LIPC: variants seen among roughly 807,000 people sequenced by gnomAD.
LIPC encodes the protein lipase C, hepatic type, also known as hepatic triacylglycerol lipase.
In LIPC, 44 loss-of-function variants were observed where a neutral mutation model predicts 50.7. That is an observed-to-expected ratio of 0.87 (90% CI 0.68 to 1.11). The LOEUF (loss-of-function observed/expected upper bound fraction) is 1.11. Ranked by LOEUF, LIPC falls within the 50% of genes most tolerant of loss-of-function variation. The probability of loss-of-function intolerance (pLI) is 0.00; values close to 1 mark genes in which losing one functional copy is unlikely to be tolerated. For synonymous variants in LIPC, 271 were observed against 256.4 expected (o/e 1.06, Z -0.54); for missense variants, 697 against 648.2 (o/e 1.08, Z -0.82).
At chr15:58,566,209 T>C (rs1894360869) in intron 8 of LIPC, 5 of 985,296 alleles carry the variant, frequency 5.1e-6, no homozygotes, top group Non-Finnish European at 6.0e-6. Flanking sequence ...ACCCGGGAAG[T>C]GTAAGAAGAA....
intron 6 of LIPC, among the ~76,000 whole-genome samples, chr15:58,558,066 CT>C (rs1894019257): frequency 3.3e-5 from 1 of 30,196 alleles, no homozygotes; most frequent in Admixed American, 6.3e-4. Context: ...GCCTATAGCT[CT>C]TTTCTTTTTT....
At chr15:58,471,189 T>C (rs1032548335) in intron 1 of LIPC, among the ~76,000 whole-genome samples, 5 of 140,818 alleles carry the variant, frequency 3.6e-5, no homozygotes, top group Admixed American at 7.4e-5. Context: ...CAGGCTGGAA[T>C]ACAGTGGTGT....
At chr15:58,502,289 AT>A (rs1246419914) in intron 1 of LIPC, among the ~76,000 whole-genome samples, 2 of 151,854 alleles carry the variant, frequency 1.3e-5, no homozygotes, top group Non-Finnish European at 2.9e-5. Context: ...CTCTGGAAAC[AT>A]TTCCATTCCT....
intron 1 of LIPC, among the ~76,000 whole-genome samples, chr15:58,476,170 G>A (rs936549045): frequency 6.6e-6 from 1 of 152,218 alleles, no homozygotes; most frequent in Non-Finnish European, 1.5e-5. Flanking sequence ...CTTCAGCTCG[G>A]AAGTAGTGGA....
chr15:58,521,034 CT>C lies in LIPC; in HGVS notation c.89-17298del, dbSNP rs143032912. Among the ~76,000 whole-genome samples the C allele has an allele frequency of 1.8e-3, 280 of 152,238 alleles. 1 individual carries two copies. Among genetic ancestry groups the C allele is most frequent in the African/African-American group, 6.5e-3 (272 of 41,544 alleles). ...AGAATATCCGGAACTTGCTTGTTGT[CT>C]GTTGGTGCCTTTCTTTCAGCTCATT... On this transcript the variant is annotated intron_variant, in intron 1 of 8. Transcript: ENST00000299022.
Position 58,538,437 on chromosome 15 carries a change from C to A in LIPC, c.193C>A (p.Arg65=). 2 of 1,614,184 alleles carry A rather than the reference C, an allele frequency of 1.2e-6. No individual in the cohort carries two copies. The highest frequency in any genetic ancestry group is 1.7e-6 in the Non-Finnish European group (2 of 1,180,036). Residue 65 remains arginine (R), a synonymous_variant, in exon 2 of 9, where the codon CGA becomes AGA. Transcript: ENST00000299022. ...FGETNQGCQI[R]INHPDTLQEC... The stretch of plus-strand genomic sequence containing the variant: ...AGAAACCAATCAGGGCTGTCAGATT[C>A]GAATCAATCATCCGGACACGTTACA...
rs914124893 is a variant in LIPC at position 58,535,658 on chromosome 15, G to A, written c.89-2675G>A. Among the ~76,000 whole-genome samples, 6 of 152,228 alleles carry A rather than the reference G, an allele frequency of 3.9e-5. No homozygotes were observed. In the East Asian group the frequency reaches 1.2e-3, roughly 29 times the overall value. On this transcript the variant is annotated intron_variant, in intron 1 of 8. Coordinates refer to ENST00000299022, the MANE Select transcript of LIPC (RefSeq NM_000236.3). ...ATTTCACTGATCAGAAATGTAAGATGCTAGATGCTCCAATTGGTACTTATT... is the reference window on the plus strand; with the variant it reads ...ATTTCACTGATCAGAAATGTAAGATACTAGATGCTCCAATTGGTACTTATT...
chr15:58,543,955 A>G (rs145050460), intron 4 of LIPC, among the ~76,000 whole-genome samples: 1 of 152,332 alleles, frequency 6.6e-6, no homozygotes, highest in Non-Finnish European at 1.5e-5. Flanking sequence ...ACTATCTGCT[A>G]TTACCATTCC....
intron 1 of LIPC, among the ~76,000 whole-genome samples, chr15:58,533,380 T>C (rs1893013287): frequency 6.6e-6 from 1 of 152,218 alleles, no homozygotes; most frequent in Non-Finnish European, 1.5e-5. Flanking sequence ...TTAAAAATGC[T>C]GAAGATCAAT....
chr15:58,559,177 A>G (rs936098369), intron 6 of LIPC, among the ~76,000 whole-genome samples: 5 of 152,232 alleles, frequency 3.3e-5, no homozygotes, highest in Non-Finnish European at 7.3e-5. Flanking sequence ...AGGGATGGAT[A>G]GTCAAGTGGC....
intron 1 of LIPC, among the ~76,000 whole-genome samples, chr15:58,466,293 G>C (rs893937909): frequency 4.6e-5 from 7 of 152,220 alleles, no homozygotes; most frequent in African/African-American, 1.7e-4. Context: ...AGAGTGATTA[G>C]AAGTAAAAAG....
At chr15:58,509,453 G>C (rs1892265427) in intron 1 of LIPC, among the ~76,000 whole-genome samples, 1 of 152,150 alleles carries the variant, frequency 6.6e-6, no homozygotes, top group African/African-American at 2.4e-5. Context: ...TGAGTCTCAG[G>C]TTCCCCATTT....
rs571454491 is a variant in LIPC, at chr15:58,465,327, A to T, written c.88+33207A>T. 1.3e-5 allele frequency among the ~76,000 whole-genome samples: 2 copies of T among 152,334 alleles called. 1 individual carries two copies. Among genetic ancestry groups the T allele is most frequent in the African/African-American group, 4.8e-5 (2 of 41,566 alleles). ...ACTTATAATTGGTACCTCTTATGAA[A>T]GCCAACAGTTTTTACATCTGGCTTT... On this transcript the variant is annotated intron_variant, in intron 1 of 8. Coordinates refer to ENST00000299022, the MANE Select transcript of LIPC (RefSeq NM_000236.3).
At chr15:58,450,432 G>A (rs1225193031) in intron 1 of LIPC, among the ~76,000 whole-genome samples, 3 of 152,224 alleles carry the variant, frequency 2.0e-5, no homozygotes, top group Non-Finnish European at 4.4e-5. Flanking sequence ...AGAGTGGGAA[G>A]CATTAGAGAC....
chr15:58,550,074 C>T (rs776557749), intron 6 of LIPC, among the ~76,000 whole-genome samples: 1 of 152,180 alleles, frequency 6.6e-6, no homozygotes, highest in African/African-American at 2.4e-5. Flanking sequence ...GAAACCAAGG[C>T]CTAGGCAGGG....
intron 5 of LIPC, 103 bp downstream of exon 5, chr15:58,546,078 C>A (rs1893519634): frequency 3.0e-6 from 3 of 1,011,616 alleles, no homozygotes; most frequent in Non-Finnish European, 4.6e-6. Context: ...AAGAGTTCAG[C>A]AAGGATAGGG....
chr15:58,477,408 G>A (rs1239900641), intron 1 of LIPC, among the ~76,000 whole-genome samples: 1 of 152,216 alleles, frequency 6.6e-6, no homozygotes, highest in East Asian at 1.9e-4. Flanking sequence ...CCCAACAGAT[G>A]AGGCTGTTAG....
intron 1 of LIPC, among the ~76,000 whole-genome samples, chr15:58,506,822 A>T (rs1216687312): frequency 2.6e-5 from 4 of 152,216 alleles, no homozygotes; most frequent in Non-Finnish European, 5.9e-5. Flanking sequence ...ATAAAGACAT[A>T]TTTGAGAAAT....
At chr15:58,552,468 C>A (rs969769022) in intron 6 of LIPC, among the ~76,000 whole-genome samples, 14 of 152,216 alleles carry the variant, frequency 9.2e-5, no homozygotes, top group Non-Finnish European at 1.8e-4. Context: ...TCTCTGCCCT[C>A]CTTCCACACT....
Sources: gnomAD v4.1 joint callset for allele counts (sites outside exome capture counted in the v4.1 genomes callset) on GRCh38, gnomAD v4.1.1 for gene constraint, MANE v1.5 for transcripts, NCBI Gene and HGNC (gene_info 2026-07-23, HGNC 2026-07-21) for gene names.